XRCC5: variants seen among roughly 807,000 people sequenced by gnomAD.
The protein encoded by XRCC5 is X-ray repair cross complementing 5.
Under a neutral mutation model 95.7 loss-of-function variants are expected in XRCC5, and 12 were observed. The observed-to-expected ratio is 0.13, with a 90% CI of 0.08 to 0.20. The LOEUF (loss-of-function observed/expected upper bound fraction) is 0.20. XRCC5 is among the 10% of genes least tolerant of loss of function. XRCC5 has a pLI of 1.00. For missense variants in XRCC5, 595 were observed against 873.9 expected (o/e 0.68, Z 4.02); for synonymous variants, 281 against 290.3 (o/e 0.97, Z 0.33).
intron 16 of XRCC5, among the ~76,000 whole-genome samples, chr2:216,181,370 T>G (rs1689383173): frequency 6.6e-6 from 1 of 152,164 alleles, no homozygotes; most frequent in South Asian, 2.1e-4. Flanking sequence ...TCAGCCCTTA[T>G]TAATTACTCC....
intron 16 of XRCC5, among the ~76,000 whole-genome samples, chr2:216,166,633 T>C (rs2106030403): frequency 6.6e-6 from 1 of 152,302 alleles, no homozygotes; most frequent in South Asian, 2.1e-4. Context: ...TCAACAGAGT[T>C]GCTAAGGAGG....
chr2:216,127,449 C>T, intron 7 of XRCC5, 87 bp from the exon 8 acceptor site: 2 of 1,405,724 alleles, frequency 1.4e-6, no homozygotes, highest in Non-Finnish European at 1.9e-6. Flanking sequence ...GGATTTTTGT[C>T]TGTGCCAGAG....
intron 19 of XRCC5, chr2:216,204,011 A>C (rs1411177071): frequency 3.4e-6 from 1 of 297,840 alleles, no homozygotes; most frequent in African/African-American, 2.1e-5. Context: ...CAGAACTGGA[A>C]ACAGCAGATG....
At chr2:216,166,486 T>G (rs1689056107) in intron 16 of XRCC5, among the ~76,000 whole-genome samples, 1 of 152,180 alleles carries the variant, frequency 6.6e-6, no homozygotes, top group African/African-American at 2.4e-5. Context: ...AGTAGGGTTG[T>G]TTCCCTACAT....
At chr2:216,146,488 TTTTG>T (rs1218852946) in intron 13 of XRCC5, among the ~76,000 whole-genome samples, 10 of 152,162 alleles carry the variant, frequency 6.6e-5, no homozygotes, top group African/African-American at 2.2e-4. Flanking sequence ...CTCCCTGGTG[TTTTG>T]TTTGTTTTTT....
Position 216,147,970 on chromosome 2 carries a change from G to C in XRCC5, c.1477-113G>C. ...ATCCTCTTGATTGTTTTTTACATGT[G>C]GTATGAATCACTTAGCCCTCCCACA... On this transcript the variant is annotated intron_variant, in intron 13 of 20. Coordinates refer to ENST00000392132, the MANE Select transcript of XRCC5 (RefSeq NM_021141.4). The C allele has an allele frequency of 3.5e-6, 4 of 1,128,958 alleles. No homozygotes were observed. In the South Asian group the frequency reaches 5.8e-5, roughly 16 times the overall value. 69.9% of individuals were successfully genotyped at this position (1,128,958 alleles called of 1,614,324 possible). A position where few individuals can be genotyped will look rare whatever the true frequency, so the allele number is the denominator to read the frequency against.
At chr2:216,204,891 T>C (rs1027693400) in intron 20 of XRCC5, among the ~76,000 whole-genome samples, 8 of 152,204 alleles carry the variant, frequency 5.3e-5, no homozygotes, top group African/African-American at 1.9e-4. Flanking sequence ...AGCTGTGTAG[T>C]AAATGTCTTT....
At chr2:216,199,764 T>G (rs957054063) in intron 19 of XRCC5, among the ~76,000 whole-genome samples, 21 of 150,586 alleles carry the variant, frequency 1.4e-4, no homozygotes, top group African/African-American at 4.6e-4. Context: ...CCTTTAGTAT[T>G]GAGAAAGCAG....
At chr2:216,159,568 GTT>G (rs1373243684) in intron 14 of XRCC5, among the ~76,000 whole-genome samples, 1 of 152,154 alleles carries the variant, frequency 6.6e-6, no homozygotes, top group Non-Finnish European at 1.5e-5. Flanking sequence ...TGTCTAGTAA[GTT>G]TTGACAGTTG....
intron 6 of XRCC5, among the ~76,000 whole-genome samples, chr2:216,124,188 A>G (rs937523180): frequency 2.0e-5 from 3 of 152,230 alleles, no homozygotes; most frequent in African/African-American, 7.2e-5. Context: ...TATAGATCTT[A>G]GGAAGAGAAC....
intron 4 of XRCC5, 54 bp from the exon 5 acceptor site, chr2:216,118,989 G>T: frequency 6.3e-7 from 1 of 1,587,680 alleles, no homozygotes; most frequent in South Asian, 1.1e-5. Context: ...ATTTGAATTT[G>T]TAGAAAAATA....
At chr2:216,120,366 A>G (rs1231212272) in intron 5 of XRCC5, among the ~76,000 whole-genome samples, 1 of 152,214 alleles carries the variant, frequency 6.6e-6, no homozygotes, top group East Asian at 1.9e-4. Context: ...AAAAGTGCAG[A>G]AGAGGAAGCA....
chr2:216,164,400 G>A (rs531103138), intron 16 of XRCC5, among the ~76,000 whole-genome samples: 1 of 152,356 alleles, frequency 6.6e-6, no homozygotes, highest in African/African-American at 2.4e-5. Flanking sequence ...CATTGTGCTA[G>A]CACTTTTATG....
intron 16 of XRCC5, among the ~76,000 whole-genome samples, chr2:216,170,528 T>TATCA (rs1689142189): frequency 1.3e-5 from 2 of 152,214 alleles, no homozygotes; most frequent in Middle Eastern, 6.8e-3. Context: ...AACCATGAGA[T>TATCA]ATCAAAAGAA....
chr2:216,119,047 A>C lies in XRCC5; in HGVS notation c.373A>C (p.Lys125Gln). 3 of 1,613,904 alleles carry C rather than the reference A, an allele frequency of 1.9e-6. No individual in the cohort carries two copies. The highest frequency in any genetic ancestry group is 2.5e-6 in the Non-Finnish European group (3 of 1,179,840). ...TATGATAACTCTCTCTTTTAGAGGA[A>C]AGAAGTTTGAGAAGAGGCATATTGA... ...MDVIQHETIG[K>Q]KFEKRHIEIF... The change falls in exon 5 of 21, where the codon AAG (lysine) becomes CAG (glutamine). Residue 125 changes from lysine to glutamine, a missense_variant. Lys to Gln is a moderately conservative substitution (Grantham distance 53, BLOSUM62 1). This residue lies in a region of XRCC5 where 286 missense variants were observed against 491.1 expected (regional missense o/e 0.58). Transcript: ENST00000392132.
At chr2:216,202,458 A>G (rs1689851219) in intron 19 of XRCC5, among the ~76,000 whole-genome samples, 1 of 152,228 alleles carries the variant, frequency 6.6e-6, no homozygotes, top group African/African-American at 2.4e-5. Context: ...ATGCTAGTAA[A>G]TGTATAGATT....
At chr2:216,124,072 A>G (rs1483070783) in intron 6 of XRCC5, among the ~76,000 whole-genome samples, 2 of 152,216 alleles carry the variant, frequency 1.3e-5, no homozygotes, top group African/African-American at 4.8e-5. Context: ...TCCCTTAGTC[A>G]TATTATCTGT....
intron 16 of XRCC5, among the ~76,000 whole-genome samples, chr2:216,170,227 TAA>T (rs1689132975): frequency 6.6e-6 from 1 of 152,088 alleles, no homozygotes; most frequent in South Asian, 2.1e-4. Context: ...GAGAGCTTTT[TAA>T]AAAGTCCTTA....
chr2:216,146,835 G>A (rs752853858), intron 13 of XRCC5, among the ~76,000 whole-genome samples: 3 of 152,136 alleles, frequency 2.0e-5, no homozygotes, highest in African/African-American at 4.8e-5. Flanking sequence ...TCTTGACACC[G>A]CTGTCAACAA....
Sources: gnomAD v4.1 joint callset for allele counts (sites outside exome capture counted in the v4.1 genomes callset) on GRCh38, gnomAD v4.1.1 for gene constraint, gnomAD v4.1.1 regional missense constraint, MANE v1.5 for transcripts, NCBI Gene and HGNC (gene_info 2026-07-23, HGNC 2026-07-21) for gene names.